The following RASGEF1C variants were observed in gnomAD, a reference collection of about 807,000 sequenced individuals.
The protein encoded by RASGEF1C is RasGEF domain family member 1C, also known as ras-GEF domain-containing family member 1C.
Under a neutral mutation model 58.1 loss-of-function variants are expected in RASGEF1C, and 27 were observed. That is an observed-to-expected ratio of 0.46 (90% CI 0.34 to 0.64). RASGEF1C has a LOEUF of 0.64. RASGEF1C is among the 30% of genes least tolerant of loss of function. The pLI is 0.01. For missense variants in RASGEF1C, 502 were observed against 605.1 expected (o/e 0.83, Z 1.79); for synonymous variants, 243 against 246.3 (o/e 0.99, Z 0.13).
chr5:180,125,140 C>CCAACAA (rs759767490), intron 6 of RASGEF1C, among the ~76,000 whole-genome samples: 1 of 151,902 alleles, frequency 6.6e-6, no homozygotes. Context: ...CTCAAAAATA[C>CCAACAA]CAACAACAAC....
At position 180,137,770 on chromosome 5, in the gene RASGEF1C, T is replaced by G. The variant is rs1032611743; in HGVS notation, c.178-58A>C. 2.5e-6 allele frequency: 4 copies of G among 1,607,238 alleles called. No individual in the cohort carries two copies. The African/African-American group carries it at 5.3e-5, about 21-fold the overall frequency. ...CAGGAGGGCACCAGGAGGGGCATGC[T>G]TCCCAGCTGGCCCTGTACCCTGGCC... On this transcript the variant is annotated intron_variant, in intron 2 of 13. Transcript: ENST00000361132. This position sits in a 1 kb window ranked among gnomAD's most constrained non-coding sequence, Gnocchi z 4.1.
chr5:180,115,944 G>A (rs972632524), intron 10 of RASGEF1C, among the ~76,000 whole-genome samples: 1 of 152,100 alleles, frequency 6.6e-6, no homozygotes, highest in African/African-American at 2.4e-5. Context: ...TGCAGGTTCT[G>A]GACAGCCGAA....
chr5:180,120,561 T>C (rs1469035174), intron 7 of RASGEF1C, among the ~76,000 whole-genome samples: 2 of 152,098 alleles, frequency 1.3e-5, no homozygotes, highest in African/African-American at 4.8e-5. Context: ...GACGGGTGGG[T>C]GTGGCCAGGC....
At chr5:180,146,765 T>A (rs1176030122) in intron 1 of RASGEF1C, among the ~76,000 whole-genome samples, 1 of 152,222 alleles carries the variant, frequency 6.6e-6, no homozygotes, top group East Asian at 1.9e-4. Flanking sequence ...TATTGGTCTG[T>A]AGTTTACTTC....
chr5:180,182,461 C>A (rs1175486219), intron 1 of RASGEF1C, among the ~76,000 whole-genome samples: 1 of 152,146 alleles, frequency 6.6e-6, no homozygotes, highest in African/African-American at 2.4e-5. Flanking sequence ...GGAAGAGAAC[C>A]CCAGCAGGTT....
chr5:180,160,243 C>T (rs1766918562), intron 1 of RASGEF1C, among the ~76,000 whole-genome samples: 1 of 152,210 alleles, frequency 6.6e-6, no homozygotes, highest in South Asian at 2.1e-4. Context: ...TCTTTCTGGA[C>T]CTGAGGAGTA....
At chr5:180,113,254 TGG>T in intron 11 of RASGEF1C, among the ~76,000 whole-genome samples, 1 of 77,660 alleles carries the variant, frequency 1.3e-5, no homozygotes, top group African/African-American at 4.9e-5. Context: ...GGACCGAGGA[TGG>T]ACGGAGGGAC....
chr5:180,118,417 C>T (rs1425948338), intron 10 of RASGEF1C, among the ~76,000 whole-genome samples, 192 bp downstream of exon 10: 2 of 152,188 alleles, frequency 1.3e-5, no homozygotes, highest in African/African-American at 4.8e-5. Context: ...TCCTGTCAGT[C>T]AGAGCTGTCT....
intron 11 of RASGEF1C, among the ~76,000 whole-genome samples, chr5:180,113,687 G>A (rs1338665759): frequency 3.1e-5 from 4 of 131,058 alleles, no homozygotes; most frequent in East Asian, 4.9e-4. Context: ...TGGAGGGATC[G>A]GGGATGGACG....
At position 180,197,282 on chromosome 5, in the gene RASGEF1C, C is replaced by A. The variant is rs116359689; in HGVS notation, c.-7+11746G>T. Among the ~76,000 whole-genome samples the A allele has an allele frequency of 6.6e-6, 1 of 152,322 alleles. No homozygotes were observed. The highest frequency in any genetic ancestry group is 2.1e-4 in the South Asian group (1 of 4,826). On this transcript the variant is annotated intron_variant, in intron 1 of 13. Coordinates refer to ENST00000361132, the MANE Select transcript of RASGEF1C (RefSeq NM_175062.4). The surrounding 1 kb of genome is among the most constrained non-coding windows in gnomAD (Gnocchi z 4.7). ...ACAATGGCTGGGACAGAGGGGAGCC[C>A]GAACCCTGGGACGGCAGGGGGAAGC...
At chr5:180,132,547 T>C (rs1440057151) in intron 4 of RASGEF1C, among the ~76,000 whole-genome samples, 2 of 152,202 alleles carry the variant, frequency 1.3e-5, no homozygotes, top group Non-Finnish European at 1.5e-5. Flanking sequence ...ACGCAGGAGC[T>C]CGTGAGGCTC....
At position 180,101,349 on chromosome 5, in the gene RASGEF1C, TGTG is replaced by T. The variant is rs1765779603; in HGVS notation, c.*149_*151del. ...AGGTCTCCTGTGCCCGTATGGCCAC[TGTG>T]GGGGGGGGGGGGGCGGGCAGCAGGC... On this transcript the variant is annotated 3_prime_UTR_variant, in exon 14 of 14. Transcript: ENST00000361132. 2 of 677,658 alleles carry T rather than the reference TGTG, an allele frequency of 3.0e-6. No individual in the cohort carries two copies. Among genetic ancestry groups the T allele is most frequent in the Admixed American group, 3.5e-5 (1 of 28,718 alleles). 42.0% of individuals were successfully genotyped at this position (677,658 alleles called of 1,614,324 possible).
intron 1 of RASGEF1C, among the ~76,000 whole-genome samples, chr5:180,150,717 G>A (rs1031731042): frequency 1.7e-4 from 26 of 152,172 alleles, no homozygotes; most frequent in African/African-American, 6.0e-4. Flanking sequence ...TCTGGCCAGG[G>A]CAATCAGGCA....
rs1053701480 is a variant in RASGEF1C at position 180,155,565 on chromosome 5, T to C, written c.-6-17507A>G. The stretch of plus-strand genomic sequence containing the variant: ...CTGTCTCCCTCAGGAAGCTCTTGTT[T>C]CTGATTGCTCAGGGCCCGGCTTGCA... On this transcript the variant is annotated intron_variant, in intron 1 of 13. Transcript: ENST00000361132. This position sits in a 1 kb window ranked among gnomAD's most constrained non-coding sequence, Gnocchi z 5.2. Among the ~76,000 whole-genome samples the C allele has an allele frequency of 6.6e-6, 1 of 152,110 alleles. No individual in the cohort carries two copies. Among genetic ancestry groups the C allele is most frequent in the African/African-American group, 2.4e-5 (1 of 41,406 alleles).
At chr5:180,171,080 G>T (rs1437454963) in intron 1 of RASGEF1C, among the ~76,000 whole-genome samples, 1 of 152,116 alleles carries the variant, frequency 6.6e-6, no homozygotes, top group Non-Finnish European at 1.5e-5. Flanking sequence ...TGAGACGCGT[G>T]CAGCCAGGCA....
At chr5:180,146,347 C>T (rs1766660772) in intron 1 of RASGEF1C, among the ~76,000 whole-genome samples, 1 of 152,160 alleles carries the variant, frequency 6.6e-6, no homozygotes, top group Admixed American at 6.5e-5. Context: ...AACACGGTTT[C>T]ACCATGTTGC....
At chr5:180,130,282 G>A (rs754610325) in intron 4 of RASGEF1C, among the ~76,000 whole-genome samples, 5 of 152,218 alleles carry the variant, frequency 3.3e-5, no homozygotes, top group Non-Finnish European at 7.3e-5. Flanking sequence ...TCCTCTGCGG[G>A]GTAGGGGGCA....
intron 6 of RASGEF1C, among the ~76,000 whole-genome samples, chr5:180,125,939 TGTATACCAGCGG>T (rs1766250171): frequency 6.6e-6 from 1 of 152,184 alleles, no homozygotes; most frequent in South Asian, 2.1e-4. Flanking sequence ...TGTGCACTCG[TGTATACCAGCGG>T]GTGTAAGAAT....
chr5:180,133,289 G>A (rs917057544), intron 4 of RASGEF1C, among the ~76,000 whole-genome samples: 1 of 152,184 alleles, frequency 6.6e-6, no homozygotes, highest in African/African-American at 2.4e-5. Context: ...CCTCTCCAGT[G>A]CTGCTCCAGC....
Sources: gnomAD v4.1 joint callset for allele counts (sites outside exome capture counted in the v4.1 genomes callset) on GRCh38, gnomAD v4.1.1 for gene constraint, Gnocchi (gnomAD v3.1) non-coding constraint, MANE v1.5 for transcripts, NCBI Gene and HGNC (gene_info 2026-07-23, HGNC 2026-07-21) for gene names.